Variants in ABCA13 observed in about 807,000 individuals in gnomAD.
The protein encoded by ABCA13 is ATP binding cassette subfamily A member 13, also known as ATP-binding cassette sub-family A member 13.
In ABCA13, 476 loss-of-function variants were observed where a neutral mutation model predicts 478.7. That is an observed-to-expected ratio of 0.99 (90% CI 0.92 to 1.07). ABCA13 has a LOEUF of 1.07. Ranked by LOEUF, ABCA13 falls within the 50% of genes least tolerant of loss-of-function variation. The pLI, the probability that ABCA13 is intolerant of heterozygous loss-of-function variation, is 0.00. For synonymous variants in ABCA13, 2,252 were observed against 2,158.9 expected, an observed-to-expected ratio of 1.04 and a Z score of -1.20; for missense variants, 6,060 against 5,910.6, an observed-to-expected ratio of 1.03 and a Z score of -0.83.
intron 48 of ABCA13, among the ~76,000 whole-genome samples, chr7:48,492,593 G>T (rs1375531763): frequency 6.6e-6 from 1 of 152,200 alleles, no homozygotes; most frequent in Non-Finnish European, 1.5e-5. Context: ...TTTGAGAGGT[G>T]CTTGGGTCAT....
At chr7:48,261,752 T>C (rs1394907259) in intron 15 of ABCA13, among the ~76,000 whole-genome samples, 1 of 151,986 alleles carries the variant, frequency 6.6e-6, no homozygotes, top group African/African-American at 2.4e-5. Flanking sequence ...CATTTTCGAT[T>C]CCTACTGGTT....
Position 48,580,208 on chromosome 7 carries a change from C to G in ABCA13, c.14355-16C>G. 6.3e-7 allele frequency: 1 copy of G among 1,596,888 alleles called. No homozygotes were observed. ...GGGAAACTGCTGTTCTCAGCCTGTG[C>G]TGCTTCTCTCTGCAGAGACGCCGTG... On this transcript the variant is annotated splice_polypyrimidine_tract_variant and intron_variant, in intron 55 of 61. Transcript: ENST00000435803.
chr7:48,361,551 A>G (rs1045047846), intron 31 of ABCA13, among the ~76,000 whole-genome samples: 5 of 150,856 alleles, frequency 3.3e-5, no homozygotes, highest in African/African-American at 1.2e-4. Context: ...TTACTTCCTT[A>G]CTTTTCTGTA....
intron 23 of ABCA13, among the ~76,000 whole-genome samples, chr7:48,308,168 C>T (rs1801195178): frequency 6.6e-6 from 1 of 152,048 alleles, no homozygotes; most frequent in African/African-American, 2.4e-5. Flanking sequence ...GACACAAACA[C>T]ACAGTCTAGT....
At chr7:48,366,070 G>A (rs57141107) in intron 31 of ABCA13, among the ~76,000 whole-genome samples, 16,682 of 152,092 alleles carry the variant, frequency 0.11, 1,065 homozygotes, top group Middle Eastern at 0.21. Context: ...TGAAGCTGGA[G>A]GCATCACACT....
intron 59 of ABCA13, among the ~76,000 whole-genome samples, chr7:48,624,273 G>A (rs1189629271): frequency 6.6e-6 from 1 of 152,130 alleles, no homozygotes; most frequent in Non-Finnish European, 1.5e-5. Context: ...GTAGCTAGCT[G>A]CCTTTGTACT....
At chr7:48,561,402 A>C (rs1228801026) in intron 55 of ABCA13, among the ~76,000 whole-genome samples, 1 of 152,060 alleles carries the variant, frequency 6.6e-6, no homozygotes, top group Non-Finnish European at 1.5e-5. Context: ...ATCCTCACCA[A>C]CACTTGTCTT....
At chr7:48,215,809 C>T (rs117153898) in intron 3 of ABCA13, among the ~76,000 whole-genome samples, 2,301 of 152,232 alleles carry the variant, frequency 0.015, 39 homozygotes, top group Non-Finnish European at 0.018. Flanking sequence ...CTTTCTGTCT[C>T]GATAGATTTT....
chr7:48,580,129 G>A, intron 55 of ABCA13, 95 bp from the exon 56 acceptor site: 5 of 1,259,100 alleles, frequency 4.0e-6, no homozygotes, highest in Middle Eastern at 2.5e-4. Flanking sequence ...TAAATAAACT[G>A]CAGTGGACTT....
intron 48 of ABCA13, among the ~76,000 whole-genome samples, chr7:48,503,593 C>T (rs78424632): frequency 0.017 from 2,550 of 152,270 alleles, 64 homozygotes; most frequent in African/African-American, 0.058. Flanking sequence ...CATGTTCATT[C>T]ATGTTGTCTC....
chr7:48,298,320 A>G, intron 22 of ABCA13, 46 bp from the exon 23 acceptor site: 4 of 1,554,726 alleles, frequency 2.6e-6, no homozygotes, highest in South Asian at 2.4e-5. Context: ...GTCAGTAATG[A>G]TCTAAACCTT....
chr7:48,493,372 G>A (rs1830008229), intron 48 of ABCA13, among the ~76,000 whole-genome samples: 2 of 151,960 alleles, frequency 1.3e-5, no homozygotes, highest in Non-Finnish European at 2.9e-5. Flanking sequence ...GCATAATTTT[G>A]TTAAATTAAA....
chr7:48,396,760 C>T (rs1242787731), intron 38 of ABCA13, among the ~76,000 whole-genome samples: 2 of 152,136 alleles, frequency 1.3e-5, no homozygotes, highest in Admixed American at 6.5e-5. Flanking sequence ...TTAAAATGCA[C>T]TCTCGGAACT....
In ABCA13 at chr7:48,272,945, C is replaced by T; in HGVS notation, c.3279C>T (p.Asp1093=). Residue 1093 remains aspartate, a synonymous_variant, in exon 17 of 62, where the codon GAC becomes GAT. Coordinates refer to ENST00000435803, the MANE Select transcript of ABCA13 (RefSeq NM_152701.5). ...AATTCTTCAACAGTTCAGTAGAAGA[C>T]CTATTGGATAATAAATGCTTGATTT... The part of the protein sequence containing the change: ...MSQFFNSSVE[D]LLDNKCLISD... 2 of 1,613,154 alleles carry T rather than the reference C, an allele frequency of 1.2e-6. No individual in the cohort carries two copies. The highest frequency in any genetic ancestry group is 1.7e-6 in the Non-Finnish European group (2 of 1,179,476).
chr7:48,411,047 C>CTTTA, intron 40 of ABCA13, among the ~76,000 whole-genome samples: 1 of 59,396 alleles, frequency 1.7e-5, no homozygotes, highest in South Asian at 4.3e-4. Flanking sequence ...TTCTTTCTTT[C>CTTTA]TTTTTCTTTC....
At chr7:48,547,674 G>A (rs968150109) in intron 55 of ABCA13, among the ~76,000 whole-genome samples, 12 of 151,842 alleles carry the variant, frequency 7.9e-5, no homozygotes, top group Non-Finnish European at 1.3e-4. Flanking sequence ...ACATTTCAGT[G>A]AGTACCATAC....
chr7:48,279,147 T>G lies in ABCA13; in HGVS notation c.7953T>G (p.Asp2651Glu), dbSNP rs1185050085. Reference sequence around the variant, plus strand: ...CATCTGTGAAAATGAACTTGGAAGATATGAGGAGTCTTGCGGTAGCATTTA... The same window carrying G: ...CATCTGTGAAAATGAACTTGGAAGAGATGAGGAGTCTTGCGGTAGCATTTA... ...FLTSVKMNLE[D>E]MRSLAVAFNN... Residue 2651 changes from aspartate to glutamate, a missense_variant, in exon 18 of 62, where the codon GAT (aspartate) becomes GAG (glutamate). Asp to Glu is a conservative substitution (Grantham distance 45). Around this residue, in one of 3 missense-constraint regions of ABCA13, gnomAD observed 4,423 missense variants for 4,309.1 expected, o/e 1.03. Coordinates refer to ENST00000435803, the MANE Select transcript of ABCA13 (RefSeq NM_152701.5). The G allele has an allele frequency of 5.6e-6, 9 of 1,606,608 alleles. No individual in the cohort carries two copies. Among genetic ancestry groups the G allele is most frequent in the Non-Finnish European group, 6.8e-6 (8 of 1,176,876 alleles).
chr7:48,274,760 T>G lies in ABCA13; in HGVS notation c.5094T>G (p.Ser1698Arg). The G allele has an allele frequency of 6.2e-7, 1 of 1,613,944 alleles. No homozygotes were observed. Among genetic ancestry groups the G allele is most frequent in the South Asian group, 1.1e-5 (1 of 91,076 alleles). ...TGGATTTCTTTAAGAATATCAGTAG[T>G]GTGGGAACTGGCAATTTAGTGGTCA... ...NLMDFFKNIS[S>R]VGTGNLVVNL... Residue 1698 changes from serine (S) to arginine (R), a missense_variant, in exon 17 of 62, where the codon AGT (serine) becomes AGG (arginine). Physicochemically the swap from Ser to Arg is moderately radical, Grantham distance 110. Around this residue, in one of 3 missense-constraint regions of ABCA13, gnomAD observed 4,423 missense variants for 4,309.1 expected, o/e 1.03. Coordinates refer to ENST00000435803, the MANE Select transcript of ABCA13 (RefSeq NM_152701.5).
In ABCA13 at chr7:48,489,097, C is replaced by T. The variant is rs1585559743; in HGVS notation, c.13183-139C>T. The stretch of plus-strand genomic sequence containing the variant: ...AATTGACTGCTCACTGTCAGCCATG[C>T]AGGAACATTACTTTGAATCCTGCAC... On this transcript the variant is annotated intron_variant, in intron 47 of 61. Coordinates refer to ENST00000435803, the MANE Select transcript of ABCA13 (RefSeq NM_152701.5). 2.8e-5 allele frequency: 17 copies of T among 609,150 alleles called. No homozygotes were observed. In the East Asian group the frequency reaches 4.6e-4, roughly 17 times the overall value. The allele number at this position is 609,150 out of a possible 1,614,324, so 37.7% of individuals were successfully genotyped here. A position where few individuals can be genotyped will look rare whatever the true frequency, so the allele number is the denominator to read the frequency against.
Sources: gnomAD v4.1 joint callset for allele counts (sites outside exome capture counted in the v4.1 genomes callset) on GRCh38, gnomAD v4.1.1 for gene constraint, gnomAD v4.1.1 regional missense constraint, MANE v1.5 for transcripts, NCBI Gene and HGNC (gene_info 2026-07-23, HGNC 2026-07-21) for gene names.